Variants in FAM13B observed in about 807,000 individuals in gnomAD.
FAM13B encodes the protein protein FAM13B.
In FAM13B, 60 loss-of-function variants were observed where a neutral mutation model predicts 117.3. That is an observed-to-expected ratio of 0.51 (90% CI 0.42 to 0.63). The LOEUF (loss-of-function observed/expected upper bound fraction) is 0.63. FAM13B is among the 30% of genes least tolerant of loss of function. The pLI is 0.00. For missense variants in FAM13B, 972 were observed against 1,091.9 expected (o/e 0.89, Z 1.55); for synonymous variants, 332 against 356.1 (o/e 0.93, Z 0.76).
intron 4 of FAM13B, among the ~76,000 whole-genome samples, chr5:138,013,755 C>T (rs1416776416): frequency 6.6e-6 from 1 of 152,140 alleles, no homozygotes; most frequent in African/African-American, 2.4e-5. Context: ...ATAGAAATCA[C>T]ATATCAAAAA....
chr5:138,007,513 AT>A (rs1435917807), intron 6 of FAM13B, among the ~76,000 whole-genome samples: 1 of 152,204 alleles, frequency 6.6e-6, no homozygotes, highest in Non-Finnish European at 1.5e-5. Flanking sequence ...CTTTTAATTG[AT>A]CTGATTTTCC....
In FAM13B at chr5:138,011,109, C is replaced by T. The variant is rs754549817; in HGVS notation, c.589G>A (p.Val197Met). Residue 197 changes from valine to methionine, a missense_variant, in exon 6 of 24, where the codon GTG becomes ATG. Val to Met is a conservative substitution (Grantham distance 21). Transcript: ENST00000689681. ...AGAAGTCCAGCCATTATCCTGCTCA[C>T]TATTTCTTGCTCTTTCATGTCTTCC... ...DVEDMKEQEI[V>M]SRIMAGLLEN... is the part of the protein sequence containing the mutation. 1 of 1,607,922 alleles carries T rather than the reference C, an allele frequency of 6.2e-7. No homozygotes were observed. Among genetic ancestry groups the T allele is most frequent in the South Asian group, 1.1e-5 (1 of 89,262 alleles).
intron 15 of FAM13B, among the ~76,000 whole-genome samples, chr5:137,953,861 C>T (rs570778693): frequency 6.6e-6 from 1 of 152,188 alleles, no homozygotes; most frequent in South Asian, 2.1e-4. Context: ...TGTATTTCAG[C>T]GATGAATACA....
chr5:137,948,667 T>C (rs772186387), intron 18 of FAM13B, among the ~76,000 whole-genome samples: 2 of 152,178 alleles, frequency 1.3e-5, no homozygotes, highest in Non-Finnish European at 2.9e-5. Context: ...ATTGCTGGAA[T>C]TGAGGCATGA....
intron 7 of FAM13B, among the ~76,000 whole-genome samples, chr5:137,998,921 G>A (rs1780494170): frequency 6.6e-6 from 1 of 152,192 alleles, no homozygotes; most frequent in African/African-American, 2.4e-5. Context: ...TAGAGATGGT[G>A]CTGCCTGTTA....
Position 137,938,057 on chromosome 5 carries a change from T to C in FAM13B, c.*2168A>G, listed in dbSNP as rs1337767699. On this transcript the variant is annotated 3_prime_UTR_variant, in exon 24 of 24. Coordinates refer to ENST00000689681, the MANE Select transcript of FAM13B (RefSeq NM_001385994.1). ...GGTGGACATATATATCTATATATTA[T>C]TTGTATATAGATATACAGTTTTTAT... 6.6e-6 allele frequency: 1 copy of C among 152,198 alleles called. No individual in the cohort carries two copies. Among genetic ancestry groups the C allele is most frequent in the East Asian group, 1.9e-4 (1 of 5,202 alleles). The allele number at this position is 152,198 out of a possible 1,614,324, so 9.4% of individuals were successfully genotyped here.
At chr5:138,027,807 C>G (rs192260949) in intron 1 of FAM13B, among the ~76,000 whole-genome samples, 4 of 152,266 alleles carry the variant, frequency 2.6e-5, no homozygotes, top group South Asian at 2.1e-4. Context: ...GGCAGTTTCT[C>G]CCATGCTGTT....
intron 10 of FAM13B, among the ~76,000 whole-genome samples, chr5:137,979,962 G>A (rs1459642000): frequency 7.1e-6 from 1 of 139,930 alleles, no homozygotes; most frequent in Non-Finnish European, 1.5e-5. Flanking sequence ...AGGAGTTTGA[G>A]ACTAGCCTGA....
chr5:138,031,432 A>G (rs1423461908), intron 1 of FAM13B, among the ~76,000 whole-genome samples: 1 of 152,230 alleles, frequency 6.6e-6, no homozygotes, highest in Non-Finnish European at 1.5e-5. Flanking sequence ...TCACGCCTGT[A>G]ATCCCAGAAC....
upstream of FAM13B, among the ~76,000 whole-genome samples, chr5:138,033,436 G>A (rs988446826): frequency 6.6e-6 from 1 of 152,226 alleles, no homozygotes; most frequent in Non-Finnish European, 1.5e-5. Context: ...GGAGCACAGA[G>A]ACCTGAACCG....
At chr5:138,026,271 T>C (rs568743303) in intron 1 of FAM13B, among the ~76,000 whole-genome samples, 6 of 152,176 alleles carry the variant, frequency 3.9e-5, no homozygotes, top group Non-Finnish European at 7.3e-5. Context: ...ATATATTTAT[T>C]AAAACGTATT....
chr5:137,973,475 C>A (rs368846536), intron 10 of FAM13B, among the ~76,000 whole-genome samples: 55 of 152,204 alleles, frequency 3.6e-4, no homozygotes, highest in African/African-American at 1.2e-3. Flanking sequence ...GGATTAAAGA[C>A]TTAAACGTTA....
At chr5:137,952,516 T>C (rs1765317930) in intron 17 of FAM13B, 112 bp downstream of exon 17, 2 of 705,706 alleles carry the variant, frequency 2.8e-6, no homozygotes, top group East Asian at 2.8e-5. Context: ...TTTATTTTTG[T>C]CAAACAGTGC....
At chr5:137,984,971 A>G (rs900463624) in intron 10 of FAM13B, among the ~76,000 whole-genome samples, 15 of 151,746 alleles carry the variant, frequency 9.9e-5, no homozygotes, top group African/African-American at 3.4e-4. Context: ...GGGGTTCACC[A>G]TGTTAGCCAG....
chr5:138,025,624 C>A (rs996082530), intron 1 of FAM13B, among the ~76,000 whole-genome samples: 15 of 152,098 alleles, frequency 9.9e-5, no homozygotes, highest in African/African-American at 3.6e-4. Context: ...CAAAAATACA[C>A]ATACATAGTA....
upstream of FAM13B, chr5:138,033,127 G>A: frequency 2.9e-6 from 1 of 343,670 alleles, no homozygotes; most frequent in African/African-American, 2.2e-5. Flanking sequence ...AGGGGGCGGG[G>A]CAGGCCGCTG....
At chr5:138,006,407 A>T (rs1782588620) in intron 7 of FAM13B, among the ~76,000 whole-genome samples, 1 of 152,174 alleles carries the variant, frequency 6.6e-6, no homozygotes, top group Non-Finnish European at 1.5e-5. Context: ...AGTAGTCTGG[A>T]AATATTTATC....
intron 1 of FAM13B, among the ~76,000 whole-genome samples, chr5:138,047,228 C>G (rs577880146): frequency 6.6e-6 from 1 of 151,066 alleles, no homozygotes. Context: ...ACATTCAGAC[C>G]GGGCGCGGTG....
intron 7 of FAM13B, among the ~76,000 whole-genome samples, chr5:137,992,043 C>T (rs1203186352): frequency 6.6e-6 from 1 of 151,844 alleles, no homozygotes; most frequent in Non-Finnish European, 1.5e-5. Context: ...CCTCAGACCG[C>T]CAAATAAGTG....
Sources: gnomAD v4.1 joint callset for allele counts (sites outside exome capture counted in the v4.1 genomes callset) on GRCh38, gnomAD v4.1.1 for gene constraint, MANE v1.5 for transcripts, NCBI Gene and HGNC (gene_info 2026-07-23, HGNC 2026-07-21) for gene names.